Variants in LYPLAL1 observed in about 807,000 individuals in gnomAD.
LYPLAL1 encodes the protein lysophospholipase-like protein 1.
LYPLAL1 carries 23 observed loss-of-function variants against 19.7 expected under a neutral mutation model. That is an observed-to-expected ratio of 1.17 (90% CI 0.84 to 1.65). The LOEUF (loss-of-function observed/expected upper bound fraction) is 1.65. LYPLAL1 is among the 40% of genes most tolerant of loss of function. The probability of loss-of-function intolerance (pLI) is 0.00; values close to 1 mark genes in which losing one functional copy is unlikely to be tolerated. For missense variants in LYPLAL1, 355 were observed against 279.4 expected (o/e 1.27, Z -1.93); for synonymous variants, 119 against 96.3 (o/e 1.24, Z -1.38).
the LYPLAL1 span, among the ~76,000 whole-genome samples, chr1:219,235,768 A>G: frequency 1.3e-5 from 2 of 152,184 alleles, no homozygotes; most frequent in South Asian, 2.1e-4. Context: ...TACTTGCTTT[A>G]TACATGAATT....
At chr1:219,426,040 G>C in the LYPLAL1 span, among the ~76,000 whole-genome samples, 1 of 152,176 alleles carries the variant, frequency 6.6e-6, no homozygotes, top group Non-Finnish European at 1.5e-5. Context: ...ACACGGTAGA[G>C]ACTTCACAAG....
At chr1:219,315,127 T>A in the LYPLAL1 span, among the ~76,000 whole-genome samples, 1 of 152,124 alleles carries the variant, frequency 6.6e-6, no homozygotes, top group African/African-American at 2.4e-5. Context: ...ATTTTAAGTA[T>A]TATTGGGAAT....
At chr1:219,197,751 A>C (rs553377322) in intron 3 of LYPLAL1, among the ~76,000 whole-genome samples, 9 of 152,204 alleles carry the variant, frequency 5.9e-5, no homozygotes, top group Non-Finnish European at 1.2e-4. Flanking sequence ...TAATATCCAG[A>C]ATCTACAAGG....
At chr1:219,392,408 G>A in the LYPLAL1 span, among the ~76,000 whole-genome samples, 29 of 152,252 alleles carry the variant, frequency 1.9e-4, no homozygotes, top group African/African-American at 7.0e-4. Context: ...TTAAGTCTCA[G>A]ATTTCTGCTT....
the LYPLAL1 span, among the ~76,000 whole-genome samples, chr1:219,292,324 A>T: frequency 6.6e-6 from 1 of 152,126 alleles, no homozygotes. Flanking sequence ...CACACCAACC[A>T]CTGGACTCCC....
At chr1:219,215,034 T>C (rs1048723481), downstream of LYPLAL1, among the ~76,000 whole-genome samples, 1 of 152,108 alleles carries the variant, frequency 6.6e-6, no homozygotes, top group Admixed American at 6.6e-5. Context: ...AGAAAAAATC[T>C]TACCTATCTA....
At chr1:219,291,453 C>G in the LYPLAL1 span, among the ~76,000 whole-genome samples, 161 of 152,280 alleles carry the variant, frequency 1.1e-3, 1 homozygote, top group African/African-American at 3.8e-3. Context: ...AATCTACTGT[C>G]CTTTGTTCTG....
chr1:219,441,741 A>G, the LYPLAL1 span, among the ~76,000 whole-genome samples: 2 of 152,162 alleles, frequency 1.3e-5, no homozygotes, highest in Non-Finnish European at 2.9e-5. Flanking sequence ...ACAGAGAAAG[A>G]GCCACTGCCA....
chr1:219,316,642 A>G, the LYPLAL1 span, among the ~76,000 whole-genome samples: 803 of 152,316 alleles, frequency 5.3e-3, 2 homozygotes, highest in South Asian at 0.011. Flanking sequence ...AGAGCAACCC[A>G]TGTGTCCATT....
downstream of LYPLAL1, among the ~76,000 whole-genome samples, chr1:219,217,150 G>A (rs751062054): frequency 6.6e-6 from 1 of 152,024 alleles, no homozygotes; most frequent in Non-Finnish European, 1.5e-5. Context: ...ACCATATTCT[G>A]TGCCATTCAT....
the LYPLAL1 span, among the ~76,000 whole-genome samples, chr1:219,401,932 A>G: frequency 1.3e-5 from 2 of 152,196 alleles, no homozygotes; most frequent in African/African-American, 4.8e-5. Flanking sequence ...AGGTTGGTCA[A>G]TTGTTAGCAA....
the LYPLAL1 span, among the ~76,000 whole-genome samples, chr1:219,234,212 A>G: frequency 1.3e-5 from 2 of 152,202 alleles, no homozygotes; most frequent in Non-Finnish European, 2.9e-5. Context: ...AACAAAGAAT[A>G]TACTAATAAA....
chr1:219,387,777 C>T, the LYPLAL1 span, among the ~76,000 whole-genome samples: 1 of 152,280 alleles, frequency 6.6e-6, no homozygotes, highest in East Asian at 1.9e-4. Flanking sequence ...ATGACATTCC[C>T]ACTCTTGGTT....
chr1:219,291,874 G>A, the LYPLAL1 span, among the ~76,000 whole-genome samples: 1 of 147,616 alleles, frequency 6.8e-6, no homozygotes, highest in Non-Finnish European at 1.5e-5. Flanking sequence ...GCAGGATAAA[G>A]CGGAATAAAG....
At chr1:219,362,540 C>A in the LYPLAL1 span, among the ~76,000 whole-genome samples, 8 of 152,024 alleles carry the variant, frequency 5.3e-5, no homozygotes, top group Admixed American at 2.0e-4. Context: ...TTAAGCAGAG[C>A]CTTGAAGGAT....
At chr1:219,322,779 T>G in the LYPLAL1 span, among the ~76,000 whole-genome samples, 3 of 152,224 alleles carry the variant, frequency 2.0e-5, no homozygotes, top group Non-Finnish European at 4.4e-5. Flanking sequence ...TTGTTCCTGT[T>G]CTTTCATGAG....
At chr1:219,229,345 G>A in the LYPLAL1 span, among the ~76,000 whole-genome samples, 1 of 146,162 alleles carries the variant, frequency 6.8e-6, no homozygotes, top group Non-Finnish European at 1.5e-5. Flanking sequence ...GAGACACGCA[G>A]GCTACCGAAC....
At chr1:219,311,652 A>G in the LYPLAL1 span, among the ~76,000 whole-genome samples, 1 of 152,046 alleles carries the variant, frequency 6.6e-6, no homozygotes, top group African/African-American at 2.4e-5. Flanking sequence ...TAAACAAGAT[A>G]AAAGGCTTAA....
the LYPLAL1 span, among the ~76,000 whole-genome samples, chr1:219,411,481 C>T: frequency 2.0e-5 from 3 of 152,072 alleles, no homozygotes; most frequent in African/African-American, 7.2e-5. Flanking sequence ...GTATCTAGCT[C>T]AGGGATTGTA....
Sources: allele counts gnomAD v4.1 joint callset (sites outside exome capture counted in the v4.1 genomes callset), GRCh38; gene constraint gnomAD v4.1.1; transcripts MANE v1.5; gene names NCBI Gene and HGNC (gene_info 2026-07-23, HGNC 2026-07-21).